FAS: variants seen among roughly 807,000 people sequenced by gnomAD.
FAS encodes the protein Fas cell surface death receptor.
FAS carries 5 observed loss-of-function variants against 33.2 expected under a neutral mutation model. The ratio of observed to expected loss-of-function variants is 0.15; its 90% confidence interval spans 0.08 to 0.32. The LOEUF (loss-of-function observed/expected upper bound fraction) is 0.32. Ranked by LOEUF, FAS falls within the 10% of genes least tolerant of loss-of-function variation. The pLI, the probability that FAS is intolerant of heterozygous loss-of-function variation, is 1.00. For missense variants in FAS, 339 were observed against 386.0 expected, an observed-to-expected ratio of 0.88 and a Z score of 1.02; for synonymous variants, 131 against 130.7, an observed-to-expected ratio of 1.00 and a Z score of -0.01.
chr10:88,989,506 G>T (rs1847040239), upstream of FAS: 1 of 544,362 alleles, frequency 1.8e-6, no homozygotes, highest in Non-Finnish European at 3.6e-6. Flanking sequence ...CACGCCCAGG[G>T]TCTTCCTCAT....
intron 7 of FAS, chr10:89,012,294 C>T (rs1848572964): frequency 2.0e-6 from 1 of 507,308 alleles, no homozygotes; most frequent in Non-Finnish European, 3.6e-6. Flanking sequence ...CCTCCTGCCT[C>T]AACTGTGACC....
intron 1 of FAS, among the ~76,000 whole-genome samples, chr10:88,994,704 A>G (rs1439650094): frequency 1.3e-5 from 2 of 152,002 alleles, no homozygotes; most frequent in Admixed American, 1.3e-4. Context: ...GTTCCTTTGC[A>G]TGTTACACAA....
At chr10:88,996,131 T>C (rs1847572815) in intron 1 of FAS, among the ~76,000 whole-genome samples, 1 of 152,202 alleles carries the variant, frequency 6.6e-6, no homozygotes, top group African/African-American at 2.4e-5. Flanking sequence ...GAATACTTTT[T>C]ATTTGTGAGG....
In FAS at chr10:88,967,299, G is replaced by C. The variant is rs149007261; in HGVS notation, n.95-5883G>C. ...ATGATAAAAGGCATCATCAGGTAGG[G>C]GCAAGAGTATGGACTCTGGAGGTAG... On this transcript the variant is annotated intron_variant and non_coding_transcript_variant, in intron 1 of 3. Transcript: ENST00000688239. Among the ~76,000 whole-genome samples the C allele has an allele frequency of 3.3e-3, 497 of 152,236 alleles. 4 individuals are homozygous for C. Among genetic ancestry groups the C allele is most frequent in the African/African-American group, 0.011 (473 of 41,552 alleles).
intron 1 of FAS, among the ~76,000 whole-genome samples, chr10:88,965,990 G>T (rs1846312097): frequency 6.6e-6 from 1 of 152,124 alleles, no homozygotes; most frequent in Non-Finnish European, 1.5e-5. Context: ...ACGGAACCAT[G>T]GTCAACAGAA....
intron 1 of FAS, among the ~76,000 whole-genome samples, chr10:88,972,641 A>C (rs1232544601): frequency 6.6e-6 from 1 of 152,156 alleles, no homozygotes; most frequent in Non-Finnish European, 1.5e-5. Flanking sequence ...TAGGGATTAC[A>C]ATATACATCC....
intron 2 of FAS, among the ~76,000 whole-genome samples, chr10:89,006,456 T>C (rs7901656): frequency 0.31 from 47,341 of 152,130 alleles, 7,770 homozygotes; most frequent in East Asian, 0.5. Context: ...AAGGAATTCA[T>C]GTTCCTAGGA....
intron 2 of FAS, 43 bp downstream of exon 2, chr10:89,003,237 G>A (rs769713549): frequency 1.2e-6 from 2 of 1,608,326 alleles, no homozygotes; most frequent in Non-Finnish European, 1.7e-6. Context: ...GAAAGTCACA[G>A]TTAGGAGTAG....
intron 2 of FAS, among the ~76,000 whole-genome samples, chr10:88,981,483 T>G (rs1846710226): frequency 6.6e-6 from 1 of 152,082 alleles, no homozygotes; most frequent in Non-Finnish European, 1.5e-5. Context: ...GTAAATTTCA[T>G]TTTGGGTGAG....
chr10:88,990,738 G>T, upstream of FAS: 2 of 1,007,522 alleles, frequency 2.0e-6, no homozygotes, highest in South Asian at 1.3e-5. The surrounding 1 kb of genome is among the most constrained non-coding windows in gnomAD (Gnocchi z 4.9). Flanking sequence ...GGAGCCTCAG[G>T]GGCGGGCACT....
At position 89,003,111 on chromosome 10, in the gene FAS, G is replaced by C. The variant is rs1210671749; in HGVS notation, c.113G>C (p.Arg38Thr). Residue 38 changes from arginine to threonine, a missense_variant, in exon 2 of 9, where the codon AGG (arginine) becomes ACG (threonine). By Grantham distance (71) the Arg-to-Thr change is moderately conservative. Coordinates refer to ENST00000652046, the MANE Select transcript of FAS (RefSeq NM_000043.6). ...TDINSKGLEL[R>T]KTVTTVETQN... ...ATCAACTCCAAGGGATTGGAATTGA[G>C]GAAGACTGTTACTACAGTTGAGACT... The C allele has an allele frequency of 6.2e-7, 1 of 1,614,140 alleles. No homozygotes were observed. Among genetic ancestry groups the C allele is most frequent in the East Asian group, 2.2e-5 (1 of 44,886 alleles).
In FAS at chr10:89,014,009, T is replaced by C; in HGVS notation, c.677-110T>C. On this transcript the variant is annotated intron_variant, in intron 8 of 8. Coordinates refer to ENST00000652046, the MANE Select transcript of FAS (RefSeq NM_000043.6). Reference sequence around the variant, plus strand: ...CCCTAGTCAGCTCTTCATAGACCTTTAGGACTTAGCTATATTCTGAAGTAC... The same window carrying C: ...CCCTAGTCAGCTCTTCATAGACCTTCAGGACTTAGCTATATTCTGAAGTAC... 4 of 1,143,584 alleles carry C rather than the reference T, an allele frequency of 3.5e-6. No individual in the cohort carries two copies. The South Asian group carries it at 5.5e-5, about 16-fold the overall frequency. 70.8% of individuals were successfully genotyped at this position (1,143,584 alleles called of 1,614,324 possible). A position where few individuals can be genotyped will look rare whatever the true frequency, so the allele number is the denominator to read the frequency against.
upstream of FAS, chr10:88,990,708 G>C (rs1399455393): frequency 1.3e-6 from 1 of 760,650 alleles, no homozygotes; most frequent in South Asian, 1.4e-5. The surrounding 1 kb of genome is among the most constrained non-coding windows in gnomAD (Gnocchi z 4.9). Context: ...TGAGGGAAGC[G>C]GTTTACGAGT....
upstream of FAS, among the ~76,000 whole-genome samples, chr10:88,987,327 A>AT (rs543859569): frequency 2.1e-3 from 323 of 152,346 alleles, 4 homozygotes; most frequent in African/African-American, 6.6e-3. Flanking sequence ...ATCAGTTAAG[A>AT]TTTTTTCAGT....
intron 6 of FAS, among the ~76,000 whole-genome samples, chr10:89,011,642 A>T (rs779919965): frequency 3.3e-5 from 5 of 152,226 alleles, no homozygotes; most frequent in Non-Finnish European, 7.3e-5. Context: ...GGGCATCCAT[A>T]GCAAGTTGAT....
rs754986111 is a variant in FAS, at chr10:89,014,534, G to A, written c.*84G>A. The A allele has an allele frequency of 2.5e-4, 316 of 1,263,676 alleles. No homozygotes were observed. Among genetic ancestry groups the A allele is most frequent in the Non-Finnish European group, 3.4e-4 (307 of 892,274 alleles). 78.3% of individuals were successfully genotyped at this position (1,263,676 alleles called of 1,614,324 possible). On this transcript the variant is annotated 3_prime_UTR_variant, in exon 9 of 9. Coordinates refer to ENST00000652046, the MANE Select transcript of FAS (RefSeq NM_000043.6). ...AATAGCTGGCTGTAAATACTGCTTG[G>A]TTTTTTACTGGGTACATTTTATCAT...
chr10:88,970,213 T>C (rs1846402119), intron 1 of FAS, among the ~76,000 whole-genome samples: 1 of 152,174 alleles, frequency 6.6e-6, no homozygotes, highest in Admixed American at 6.5e-5. Context: ...ATAGGCAAAG[T>C]CACTACCCTG....
intron 2 of FAS, chr10:88,973,375 T>C (rs1247373454): frequency 4.1e-6 from 6 of 1,446,624 alleles, no homozygotes; most frequent in Non-Finnish European, 4.6e-6. Flanking sequence ...AGGCGAACAA[T>C]TGTGAAAATC....
intron 7 of FAS, chr10:89,012,856 G>T (rs1246359752): frequency 6.5e-6 from 1 of 153,920 alleles, no homozygotes; most frequent in African/African-American, 2.4e-5. Context: ...CAGATAGCAA[G>T]AAATACACCG....
Sources: gnomAD v4.1 joint callset for allele counts (sites outside exome capture counted in the v4.1 genomes callset) on GRCh38, gnomAD v4.1.1 for gene constraint, Gnocchi (gnomAD v3.1) non-coding constraint, MANE v1.5 for transcripts, NCBI Gene and HGNC (gene_info 2026-07-23, HGNC 2026-07-21) for gene names.